The following CCN6 variants were observed in gnomAD, a reference collection of about 807,000 sequenced individuals.
The protein encoded by CCN6 is CCN family member 6.
In CCN6, 31 loss-of-function variants were observed where a neutral mutation model predicts 37.4. The observed-to-expected ratio is 0.83, with a 90% CI of 0.62 to 1.12. CCN6 has a LOEUF of 1.12. Among genes scored for constraint, CCN6 ranks in the 50% most tolerant of loss-of-function variants. CCN6 has a pLI of 0.00. For missense variants in CCN6, 369 were observed against 413.8 expected (o/e 0.89, Z 0.94); for synonymous variants, 137 against 142.1 (o/e 0.96, Z 0.26).
At position 112,061,088 on chromosome 6, in the gene CCN6, A is replaced by G. The variant is rs781917235; in HGVS notation, c.146A>G (p.His49Arg). 9.3e-6 allele frequency: 15 copies of G among 1,614,078 alleles called. No homozygotes were observed. The African/African-American group carries it at 1.9e-4, about 20-fold the overall frequency. ...SDAPQRKQFC[H>R]WPCKCPQQKP... ...GCACCTCAGCGTAAACAGTTTTGTC[A>G]CTGGCCCTGCAAATGCCCTCAGCAG... Residue 49 changes from histidine (H) to arginine (R), a missense_variant, in exon 2 of 5, where the codon CAC becomes CGC. Coordinates refer to ENST00000368666, the MANE Select transcript of CCN6 (RefSeq NM_198239.2).
At chr6:112,064,718 T>C in intron 2 of CCN6, 37 bp from the exon 3 acceptor site, 2 of 1,613,692 alleles carry the variant, frequency 1.2e-6, no homozygotes, top group Middle Eastern at 1.7e-4. Flanking sequence ...TCACAGATCA[T>C]GGCTTCTTTG....
upstream of CCN6, among the ~76,000 whole-genome samples, chr6:112,053,138 G>A (rs893868034): frequency 2.6e-5 from 4 of 152,016 alleles, no homozygotes; most frequent in Non-Finnish European, 2.9e-5. Context: ...AAAGCACCAC[G>A]GCAGCTGCAA....
Position 112,068,214 on chromosome 6 carries a change from A to G in CCN6, c.599A>G (p.Asn200Ser), listed in dbSNP as rs1776757445. 1 of 1,610,328 alleles carries G rather than the reference A, an allele frequency of 6.2e-7. No homozygotes were observed. The highest frequency in any genetic ancestry group is 1.3e-5 in the African/African-American group (1 of 74,638). ...TSYKTMPAYR[N>S]LPLIWKKKCL... is the part of the protein sequence containing the mutation. ...TCTCCCTTTGTTTTAGCTTATAGAA[A>G]TCTCCCACTTATTTGGAAAAAAAAA... Residue 200 changes from asparagine (N) to serine (S), a missense_variant, in exon 4 of 5, where the codon AAT becomes AGT. Physicochemically the swap from Asn to Ser is conservative, Grantham distance 46. Coordinates refer to ENST00000368666, the MANE Select transcript of CCN6 (RefSeq NM_198239.2).
At chr6:112,065,028 T>C (rs1554313656) in intron 3 of CCN6, 31 bp downstream of exon 3, 2 of 1,613,456 alleles carry the variant, frequency 1.2e-6, no homozygotes, top group African/African-American at 1.3e-5. Flanking sequence ...TTTTCACGTA[T>C]GACCTTGGTG....
chr6:112,065,599 C>A (rs1282855783), intron 3 of CCN6, among the ~76,000 whole-genome samples: 368 of 71,946 alleles, frequency 5.1e-3, no homozygotes, highest in African/African-American at 0.023. Flanking sequence ...CACACACACA[C>A]AAACACACAC....
chr6:112,053,091 G>T (rs1293268377), upstream of CCN6, among the ~76,000 whole-genome samples: 1 of 152,142 alleles, frequency 6.6e-6, no homozygotes, highest in South Asian at 2.1e-4. Flanking sequence ...TGGGATGGGG[G>T]CAGGCAGGTG....
At chr6:112,063,651 T>C (rs1230343) in intron 2 of CCN6, among the ~76,000 whole-genome samples, 40,857 of 152,098 alleles carry the variant, frequency 0.27, 5,562 homozygotes, top group East Asian at 0.32. Context: ...AATTCTCGCA[T>C]TGGCAAAAAA....
In CCN6 at chr6:112,068,378, A is replaced by C. The variant is rs1554314526; in HGVS notation, c.763A>C (p.Asn255His). 6.2e-7 allele frequency: 1 copy of C among 1,612,500 alleles called. No homozygotes were observed. The change falls in exon 4 of 5, where the codon AAT becomes CAT. Residue 255 changes from asparagine to histidine, a missense_variant. Coordinates refer to ENST00000368666, the MANE Select transcript of CCN6 (RefSeq NM_198239.2). ...RLCYIQPCDS[N>H]ILKTIKIPKG... ...GTGTTACATTCAGCCTTGCGACAGC[A>C]ATATATTAAAGACAATAAAGGTAAA...
chr6:112,055,439 G>A (rs1554311615), intron 1 of CCN6, among the ~76,000 whole-genome samples: 1 of 152,172 alleles, frequency 6.6e-6, no homozygotes, highest in Non-Finnish European at 1.5e-5. Flanking sequence ...AACAAACACA[G>A]AAAGGTGTTA....
chr6:112,054,316 C>A lies in CCN6; in HGVS notation c.-42C>A, dbSNP rs1446710701. On this transcript the variant is annotated 5_prime_UTR_variant, in exon 1 of 5. Transcript: ENST00000368666. ...TGTACCCGGAGCAATGAACAAGCGG[C>A]GACTTCTCTACCCCTCAGGGTGGCT... 3 of 1,613,792 alleles carry A rather than the reference C, an allele frequency of 1.9e-6. No homozygotes were observed. Among genetic ancestry groups the A allele is most frequent in the African/African-American group, 1.3e-5 (1 of 74,844 alleles).
At chr6:112,065,598 AC>A (rs1776660185) in intron 3 of CCN6, among the ~76,000 whole-genome samples, 1 of 81,612 alleles carries the variant, frequency 1.2e-5, no homozygotes, top group African/African-American at 6.2e-5. Flanking sequence ...GCACACACAC[AC>A]AAACACACAC....
upstream of CCN6, among the ~76,000 whole-genome samples, chr6:112,053,396 A>G (rs1336409835): frequency 6.6e-6 from 1 of 151,312 alleles, no homozygotes; most frequent in African/African-American, 2.4e-5. Flanking sequence ...TCCCAGGTTC[A>G]AGCGATTCTC....
intron 1 of CCN6, among the ~76,000 whole-genome samples, chr6:112,060,436 G>T (rs1776479217): frequency 6.6e-6 from 1 of 152,186 alleles, no homozygotes; most frequent in African/African-American, 2.4e-5. Flanking sequence ...AAATATGAAA[G>T]AGAAGAGTCA....
At chr6:112,063,981 G>A (rs1776603752) in intron 2 of CCN6, among the ~76,000 whole-genome samples, 1 of 152,058 alleles carries the variant, frequency 6.6e-6, no homozygotes, top group South Asian at 2.1e-4. Flanking sequence ...AATACTTTTT[G>A]CTGTGCCATC....
chr6:112,066,349 CAT>C (rs1244503220), intron 3 of CCN6, among the ~76,000 whole-genome samples: 4 of 151,984 alleles, frequency 2.6e-5, no homozygotes, highest in Non-Finnish European at 4.4e-5. Flanking sequence ...AGAACCCACA[CAT>C]AAACTTCCCT....
Position 112,060,904 on chromosome 6 carries a change from A to G in CCN6, c.49-87A>G. ...ATGATTGTAACTCACCACTCTGTAT[A>G]CTACCTGTTTGGGGGAAATCTTCTA... On this transcript the variant is annotated intron_variant, in intron 1 of 4. Transcript: ENST00000368666. 6.7e-6 allele frequency: 10 copies of G among 1,491,598 alleles called. No homozygotes were observed. In the South Asian group the frequency reaches 1.0e-4, roughly 16 times the overall value. 92.4% of individuals were successfully genotyped at this position (1,491,598 alleles called of 1,614,324 possible). A position where few individuals can be genotyped will look rare whatever the true frequency, so the allele number is the denominator to read the frequency against.
In CCN6 at chr6:112,054,171, G is replaced by A. The variant is rs1209464798; in HGVS notation, c.-187G>A. ...GAAGAGTCCCATGAAAGTAAACAGG[G>A]TATTAAAACGGATCCTTAAAAATGA... is the stretch of plus-strand genomic sequence containing the variant. On this transcript the variant is annotated 5_prime_UTR_variant, in exon 1 of 5. Transcript: ENST00000368666. 4 of 831,918 alleles carry A rather than the reference G, an allele frequency of 4.8e-6. No individual in the cohort carries two copies. The highest frequency in any genetic ancestry group is 8.5e-6 in the Non-Finnish European group (4 of 468,184). 51.5% of individuals were successfully genotyped at this position (831,918 alleles called of 1,614,324 possible).
chr6:112,059,919 G>A (rs1776460452), intron 1 of CCN6: 2 of 1,310,094 alleles, frequency 1.5e-6, no homozygotes, highest in African/African-American at 1.5e-5. Context: ...TACGGTGAAA[G>A]GACTGGGATA....
intron 4 of CCN6, 137 bp from the exon 5 acceptor site, chr6:112,069,202 G>A (rs1192899395): frequency 1.1e-6 from 1 of 931,902 alleles, no homozygotes; most frequent in Non-Finnish European, 1.6e-6. Context: ...AGGGTAAAGA[G>A]AGTGCTGGAA....
Sources: gnomAD v4.1 joint callset for allele counts (sites outside exome capture counted in the v4.1 genomes callset) on GRCh38, gnomAD v4.1.1 for gene constraint, MANE v1.5 for transcripts, NCBI Gene and HGNC (gene_info 2026-07-23, HGNC 2026-07-21) for gene names.